CYP39A1: variants seen among roughly 807,000 people sequenced by gnomAD.
The protein encoded by CYP39A1 is 24-hydroxycholesterol 7-alpha-hydroxylase.
In CYP39A1, 49 loss-of-function variants were observed where a neutral mutation model predicts 58.1. The ratio of observed to expected loss-of-function variants is 0.84; its 90% CI spans 0.67 to 1.07. The LOEUF (loss-of-function observed/expected upper bound fraction) is 1.07. Among genes scored for constraint, CYP39A1 ranks in the 50% least tolerant of loss-of-function variants. CYP39A1 has a pLI of 0.00. For synonymous variants in CYP39A1, 209 were observed against 187.6 expected (o/e 1.11, Z -0.93); for missense variants, 531 against 539.4 (o/e 0.98, Z 0.16).
intron 10 of CYP39A1, among the ~76,000 whole-genome samples, chr6:46,554,337 G>T (rs2150476735): frequency 6.6e-6 from 1 of 152,232 alleles, no homozygotes; most frequent in East Asian, 1.9e-4. Context: ...ATCACAGAAG[G>T]CTCTATTGGA....
At chr6:46,616,016 T>TCCCCCCTCCCTC (rs879283101) in intron 7 of CYP39A1, among the ~76,000 whole-genome samples, 1 of 86,270 alleles carries the variant, frequency 1.2e-5, no homozygotes, top group East Asian at 4.2e-4. Flanking sequence ...CCCCCCTCCC[T>TCCCCCCTCCCTC]CCCCCTCCCT....
At chr6:46,625,579 C>G (rs545596429) in intron 6 of CYP39A1, 71 bp from the exon 7 acceptor site, 8 of 1,106,992 alleles carry the variant, frequency 7.2e-6, no homozygotes, top group African/African-American at 1.6e-5. Context: ...TTAGTATTAG[C>G]CATACATATA....
chr6:46,637,389 G>C (rs892023994), intron 4 of CYP39A1, among the ~76,000 whole-genome samples: 1 of 152,182 alleles, frequency 6.6e-6, no homozygotes, highest in Non-Finnish European at 1.5e-5. Flanking sequence ...CAGTTACTTT[G>C]CATGTGCCTC....
At chr6:46,587,837 A>AC (rs1475074957) in intron 9 of CYP39A1, among the ~76,000 whole-genome samples, 197 bp downstream of exon 9, 2 of 152,130 alleles carry the variant, frequency 1.3e-5, no homozygotes, top group Non-Finnish European at 2.9e-5. Context: ...TACTACAAAA[A>AC]CTTTTCTAAC....
chr6:46,607,789 A>G (rs989231268), intron 7 of CYP39A1, among the ~76,000 whole-genome samples: 1 of 152,112 alleles, frequency 6.6e-6, no homozygotes, highest in Non-Finnish European at 1.5e-5. Context: ...CAAATAATAA[A>G]ATCCTTCCAA....
intron 10 of CYP39A1, among the ~76,000 whole-genome samples, chr6:46,582,695 T>G (rs1772205120): frequency 6.6e-6 from 1 of 152,042 alleles, no homozygotes; most frequent in Non-Finnish European, 1.5e-5. Context: ...AGGGCTTTTT[T>G]TTTTCATATG....
chr6:46,566,487 A>G (rs1261771049), intron 10 of CYP39A1, among the ~76,000 whole-genome samples: 1 of 152,128 alleles, frequency 6.6e-6, no homozygotes, highest in African/African-American at 2.4e-5. Flanking sequence ...TATAAAAACC[A>G]TCAGATCTCG....
rs1307832910 is a variant in CYP39A1 at position 46,630,962 on chromosome 6, C to G, written c.840+1G>C. ...AACTCATACTTTACTAATATACTTA[C>G]AGGAACAGCATTAGACAGAGAAGCC... is the stretch of plus-strand genomic sequence containing the variant. On this transcript the variant is annotated splice_donor_variant, in intron 6 of 11. Coordinates refer to ENST00000275016, the MANE Select transcript of CYP39A1 (RefSeq NM_016593.5). LOFTEE classifies it high-confidence loss of function. 3 of 1,608,216 alleles carry G rather than the reference C, an allele frequency of 1.9e-6. No homozygotes were observed. Among genetic ancestry groups the G allele is most frequent in the Admixed American group, 1.7e-5 (1 of 59,868 alleles).
chr6:46,618,777 A>T (rs1456340970), intron 7 of CYP39A1, among the ~76,000 whole-genome samples: 1 of 152,054 alleles, frequency 6.6e-6, no homozygotes, highest in Non-Finnish European at 1.5e-5. Context: ...TAACATCTTT[A>T]AAAGAAACAG....
chr6:46,606,002 T>C lies in CYP39A1; in HGVS notation c.932-9882A>G, dbSNP rs541513486. 1.2e-4 allele frequency among the ~76,000 whole-genome samples: 19 copies of C among 152,272 alleles called. No individual in the cohort carries two copies. In the South Asian group the frequency reaches 3.9e-3, roughly 32 times the overall value. On this transcript the variant is annotated intron_variant, in intron 7 of 11. Coordinates refer to ENST00000275016, the MANE Select transcript of CYP39A1 (RefSeq NM_016593.5). The stretch of plus-strand genomic sequence containing the variant: ...GTGGCAACTACGGTCAGTTTGTGTT[T>C]GAAATCAGATCTGTGAAAATCCAAG...
chr6:46,586,461 C>G, intron 10 of CYP39A1: 4 of 975,118 alleles, frequency 4.1e-6, no homozygotes, highest in Non-Finnish European at 4.9e-6. Context: ...TAGAAGAGGG[C>G]CTGGCACAGA....
chr6:46,600,059 T>C (rs1049307372), intron 7 of CYP39A1, among the ~76,000 whole-genome samples: 4 of 152,178 alleles, frequency 2.6e-5, no homozygotes, highest in Non-Finnish European at 5.9e-5. Context: ...ATTTCTTGAA[T>C]GATAGGGGAG....
intron 7 of CYP39A1, among the ~76,000 whole-genome samples, chr6:46,622,717 A>G (rs1775040964): frequency 6.6e-6 from 1 of 151,330 alleles, no homozygotes; most frequent in Non-Finnish European, 1.5e-5. Context: ...GACTTAGATA[A>G]TAAAGACTTA....
At chr6:46,555,050 GACAC>G (rs138308277) in intron 10 of CYP39A1, among the ~76,000 whole-genome samples, 2,553 of 148,444 alleles carry the variant, frequency 0.017, 33 homozygotes, top group Middle Eastern at 0.045. Flanking sequence ...CGCAGACACA[GACAC>G]ACACACACAC....
intron 2 of CYP39A1, among the ~76,000 whole-genome samples, 168 bp from the exon 3 acceptor site, chr6:46,639,836 TGA>T (rs1341984524): frequency 6.6e-6 from 1 of 152,196 alleles, no homozygotes; most frequent in African/African-American, 2.4e-5. Flanking sequence ...TATTCTCGAC[TGA>T]GTGTGGTGGC....
chr6:46,555,050 GACACAC>G (rs138308277), intron 10 of CYP39A1, among the ~76,000 whole-genome samples: 15 of 148,494 alleles, frequency 1.0e-4, no homozygotes, highest in Admixed American at 3.4e-4. Context: ...CGCAGACACA[GACACAC>G]ACACACACAC....
chr6:46,594,074 C>T (rs775578675), intron 8 of CYP39A1, among the ~76,000 whole-genome samples: 1 of 152,028 alleles, frequency 6.6e-6, no homozygotes, highest in Non-Finnish European at 1.5e-5. Flanking sequence ...AATCAGTAGA[C>T]AAGAGACCAT....
At chr6:46,594,669 T>A (rs1773036224) in intron 8 of CYP39A1, among the ~76,000 whole-genome samples, 1 of 151,952 alleles carries the variant, frequency 6.6e-6, no homozygotes, top group African/African-American at 2.4e-5. Context: ...TGTAATAGAT[T>A]AAAGACTTGA....
intron 8 of CYP39A1, among the ~76,000 whole-genome samples, chr6:46,592,142 T>G (rs1462859850): frequency 6.6e-6 from 1 of 152,056 alleles, no homozygotes; most frequent in Non-Finnish European, 1.5e-5. Context: ...TCCAAGAAAG[T>G]AGAGAGTGTT....
Sources: allele counts gnomAD v4.1 joint callset (sites outside exome capture counted in the v4.1 genomes callset), GRCh38; gene constraint gnomAD v4.1.1; transcripts MANE v1.5; gene names NCBI Gene and HGNC (gene_info 2026-07-23, HGNC 2026-07-21).